Variants in CSNK1G1 observed in about 807,000 individuals in gnomAD.
CSNK1G1 encodes the protein casein kinase I isoform gamma-1.
A neutral mutation model predicts 59.6 loss-of-function variants in CSNK1G1; 22 were observed. That is an observed-to-expected ratio of 0.37 (90% confidence interval 0.26 to 0.53). CSNK1G1 has a LOEUF of 0.53. CSNK1G1 is among the 20% of genes least tolerant of loss of function. CSNK1G1 has a pLI of 0.89. For synonymous variants in CSNK1G1, 179 were observed against 177.1 expected, an observed-to-expected ratio of 1.01 and a Z score of -0.08; for missense variants, 384 against 519.5, an observed-to-expected ratio of 0.74 and a Z score of 2.54.
intron 2 of CSNK1G1, among the ~76,000 whole-genome samples, chr15:64,278,425 T>C (rs1458940128): frequency 7.3e-6 from 1 of 136,412 alleles, no homozygotes; most frequent in Non-Finnish European, 1.5e-5. Flanking sequence ...TGTGTATATA[T>C]ATATATATTT....
At chr15:64,232,928 A>G (rs2082568182) in intron 4 of CSNK1G1, among the ~76,000 whole-genome samples, 1 of 152,194 alleles carries the variant, frequency 6.6e-6, no homozygotes, top group Non-Finnish European at 1.5e-5. Flanking sequence ...GTCTATTTCC[A>G]AGCAAGCTCC....
chr15:64,269,958 C>T (rs1170407475), intron 2 of CSNK1G1, among the ~76,000 whole-genome samples: 1 of 151,986 alleles, frequency 6.6e-6, no homozygotes, highest in African/African-American at 2.4e-5. Context: ...TGCACGCCAC[C>T]AGACCTGACT....
chr15:64,225,195 G>A (rs2082442736), intron 4 of CSNK1G1, among the ~76,000 whole-genome samples: 1 of 151,788 alleles, frequency 6.6e-6, no homozygotes, highest in Non-Finnish European at 1.5e-5. Context: ...TTTTAGTAGA[G>A]CTGGGGTTTC....
chr15:64,291,703 CTCAAATGTA>C (rs1894750880), intron 2 of CSNK1G1, among the ~76,000 whole-genome samples: 1 of 152,164 alleles, frequency 6.6e-6, no homozygotes, highest in Non-Finnish European at 1.5e-5. Flanking sequence ...TTATTGAAAA[CTCAAATGTA>C]TAAAATGTAT....
In CSNK1G1 at chr15:64,188,505, C is replaced by A. The variant is rs759897196; in HGVS notation, c.1108-8051G>T. The stretch of plus-strand genomic sequence containing the variant: ...TACATTCTGCTTAGGCGTTAGAAAG[C>A]ATGAGAGCAAGATATGGAAGGAAAG... On this transcript the variant is annotated intron_variant, in intron 10 of 11. Coordinates refer to ENST00000303052, the MANE Select transcript of CSNK1G1 (RefSeq NM_022048.5). This position sits in a 1 kb window ranked among gnomAD's most constrained non-coding sequence, Gnocchi z 4.2. The A allele has an allele frequency of 1.1e-5, 17 of 1,512,954 alleles. No individual in the cohort carries two copies. Among genetic ancestry groups the A allele is most frequent in the Non-Finnish European group, 1.4e-5 (16 of 1,126,532 alleles). The allele number at this position is 1,512,954 out of a possible 1,614,324, so 93.7% of individuals were successfully genotyped here. A position where few individuals can be genotyped will look rare whatever the true frequency, so the allele number is the denominator to read the frequency against.
At chr15:64,333,020 G>T (rs1371143245) in intron 1 of CSNK1G1, among the ~76,000 whole-genome samples, 2 of 152,010 alleles carry the variant, frequency 1.3e-5, no homozygotes, top group African/African-American at 4.8e-5. Flanking sequence ...ACTTTGGGAG[G>T]CCAAGGTAGA....
At chr15:64,327,394 G>C (rs889052081) in intron 1 of CSNK1G1, among the ~76,000 whole-genome samples, 1 of 151,114 alleles carries the variant, frequency 6.6e-6, no homozygotes, top group Non-Finnish European at 1.5e-5. Flanking sequence ...TAACTGGGAG[G>C]CACTCCCCAG....
At chr15:64,339,311 GTTA>G (rs1897567435) in intron 1 of CSNK1G1, among the ~76,000 whole-genome samples, 9 of 152,150 alleles carry the variant, frequency 5.9e-5, no homozygotes, top group Admixed American at 5.2e-4. Flanking sequence ...GTTTTTTGTT[GTTA>G]TTGTTGTTGT....
intron 4 of CSNK1G1, among the ~76,000 whole-genome samples, chr15:64,230,302 GT>G (rs1174714667): frequency 3.4e-4 from 48 of 142,306 alleles, no homozygotes; most frequent in Admixed American, 5.6e-4. Context: ...GCCAGTTTTG[GT>G]TTTTTTTTTT....
rs554668865 is a variant in CSNK1G1 at position 64,302,085 on chromosome 15, T to C, written c.-224-1362A>G. Among the ~76,000 whole-genome samples, 5 of 152,086 alleles carry C rather than the reference T, an allele frequency of 3.3e-5. 1 individual carries two copies. The East Asian group carries it at 7.7e-4, about 24-fold the overall frequency. The stretch of plus-strand genomic sequence containing the variant: ...GTGGGCACATAATCCAATAATACAA[T>C]CTGTTTGCTTTATTTATTTATTTAT... On this transcript the variant is annotated intron_variant, in intron 1 of 11. Coordinates refer to ENST00000303052, the MANE Select transcript of CSNK1G1 (RefSeq NM_022048.5).
intron 1 of CSNK1G1, among the ~76,000 whole-genome samples, chr15:64,318,217 T>G (rs750987516): frequency 6.6e-6 from 1 of 152,052 alleles, no homozygotes; most frequent in African/African-American, 2.4e-5. Flanking sequence ...AAGACACAAC[T>G]GAATTATATA....
At chr15:64,195,039 T>C (rs1021971070) in intron 10 of CSNK1G1, 2 of 152,242 alleles carry the variant, frequency 1.3e-5, no homozygotes, top group African/African-American at 2.4e-5. Flanking sequence ...TGATTCATAT[T>C]TTCCTAGTCA....
chr15:64,244,117 C>G (rs1040521805), intron 4 of CSNK1G1, among the ~76,000 whole-genome samples: 1 of 151,586 alleles, frequency 6.6e-6, no homozygotes, highest in African/African-American at 2.4e-5. Context: ...TGCAGTGAGC[C>G]GAGATCACGC....
intron 1 of CSNK1G1, chr15:64,335,772 G>A (rs768914479): frequency 6.6e-6 from 1 of 152,162 alleles, no homozygotes; most frequent in Admixed American, 6.5e-5. Context: ...TGTCATACAA[G>A]CTACATCCTC....
At chr15:64,245,762 AG>A (rs1319909073) in intron 4 of CSNK1G1, among the ~76,000 whole-genome samples, 7 of 151,878 alleles carry the variant, frequency 4.6e-5, no homozygotes, top group Non-Finnish European at 1.0e-4. Flanking sequence ...AAAAAAAAAA[AG>A]ACACACACAC....
chr15:64,327,025 G>A (rs1173179202), intron 1 of CSNK1G1, among the ~76,000 whole-genome samples: 19 of 151,026 alleles, frequency 1.3e-4, no homozygotes, highest in Admixed American at 3.3e-4. Context: ...AGGGTCCTAC[G>A]CCCACGGAAT....
At chr15:64,286,276 A>G (rs1226820604) in intron 2 of CSNK1G1, among the ~76,000 whole-genome samples, 6 of 150,254 alleles carry the variant, frequency 4.0e-5, no homozygotes, top group Non-Finnish European at 8.8e-5. Flanking sequence ...ACTAACAAGT[A>G]TAAAAAGTAG....
intron 1 of CSNK1G1, among the ~76,000 whole-genome samples, chr15:64,316,535 CAAAAA>C (rs66620488): frequency 3.2e-5 from 3 of 94,100 alleles, no homozygotes; most frequent in Admixed American, 1.2e-4. Context: ...GACTCTGTCT[CAAAAA>C]AAAAAAAAAA....
At chr15:64,178,900 A>T (rs1045907448) in intron 11 of CSNK1G1, among the ~76,000 whole-genome samples, 1 of 151,816 alleles carries the variant, frequency 6.6e-6, no homozygotes, top group Non-Finnish European at 1.5e-5. Context: ...ACAGGTGCAT[A>T]CCACCATGCC....
Sources: gnomAD v4.1 joint callset for allele counts (sites outside exome capture counted in the v4.1 genomes callset) on GRCh38, gnomAD v4.1.1 for gene constraint, Gnocchi (gnomAD v3.1) non-coding constraint, MANE v1.5 for transcripts, NCBI Gene and HGNC (gene_info 2026-07-23, HGNC 2026-07-21) for gene names.